WDPCP: variants seen among roughly 807,000 people sequenced by gnomAD.
WDPCP encodes WD repeat containing planar cell polarity effector.
In WDPCP, 71 loss-of-function variants were observed where a neutral mutation model predicts 93.1. That is an observed-to-expected ratio of 0.76 (90% CI 0.63 to 0.93). The LOEUF (loss-of-function observed/expected upper bound fraction) is 0.93. Ranked by LOEUF, WDPCP falls within the 40% of genes least tolerant of loss-of-function variation. The pLI, the probability that WDPCP is intolerant of heterozygous loss-of-function variation, is 0.00. For missense variants in WDPCP, 844 were observed against 887.4 expected (o/e 0.95, Z 0.62); for synonymous variants, 315 against 315.0 (o/e 1.00, Z 0.00).
At chr2:63,752,506 C>T in intron 2 of WDPCP, 2 of 755,256 alleles carry the variant, frequency 2.6e-6, no homozygotes, top group Admixed American at 3.6e-5. Context: ...CTCTCATGAC[C>T]ACACAGCTTG....
chr2:63,560,423 T>C (rs570699421), intron 1 of WDPCP, among the ~76,000 whole-genome samples: 86 of 151,974 alleles, frequency 5.7e-4, no homozygotes, highest in Non-Finnish European at 1.0e-3. Flanking sequence ...AGAATAGAGA[T>C]CTCAGAAATA....
chr2:63,158,334 T>A (rs1672404761), intron 15 of WDPCP, among the ~76,000 whole-genome samples: 1 of 152,228 alleles, frequency 6.6e-6, no homozygotes, highest in Non-Finnish European at 1.5e-5. Context: ...AGTCTTCAAA[T>A]GCAAATGTAG....
At chr2:63,533,091 C>T (rs1296219182) in intron 1 of WDPCP, among the ~76,000 whole-genome samples, 1 of 152,046 alleles carries the variant, frequency 6.6e-6, no homozygotes, top group African/African-American at 2.4e-5. Context: ...TTTAAGCCAA[C>T]AAAGATCAAA....
chr2:63,734,706 TG>T (rs548906758), intron 2 of WDPCP, among the ~76,000 whole-genome samples: 73 of 152,352 alleles, frequency 4.8e-4, no homozygotes, highest in African/African-American at 1.5e-3. Context: ...AAGCTGACCA[TG>T]GCAAAATGCA....
At chr2:63,537,179 C>A (rs1026007275) in intron 1 of WDPCP, among the ~76,000 whole-genome samples, 1 of 152,132 alleles carries the variant, frequency 6.6e-6, no homozygotes, top group South Asian at 2.1e-4. Flanking sequence ...AAATTTGTGC[C>A]GCCTTTACTA....
At chr2:63,689,509 T>C (rs1042678550) in intron 2 of WDPCP, among the ~76,000 whole-genome samples, 1 of 152,118 alleles carries the variant, frequency 6.6e-6, no homozygotes, top group Non-Finnish European at 1.5e-5. Flanking sequence ...CTTTCAACTA[T>C]CTTCTATCAG....
intron 1 of WDPCP, among the ~76,000 whole-genome samples, chr2:63,527,533 T>C (rs991912875): frequency 6.6e-6 from 1 of 151,994 alleles, no homozygotes; most frequent in African/African-American, 2.4e-5. Flanking sequence ...TCCATGTTCC[T>C]ACAAAGGACA....
chr2:63,433,680 A>T, intron 9 of WDPCP, 65 bp downstream of exon 9: 1 of 1,395,922 alleles, frequency 7.2e-7, no homozygotes, highest in South Asian at 1.4e-5. Context: ...ATTTCAGAAT[A>T]GAAAATCTAA....
At position 63,605,536 on chromosome 2, in the gene WDPCP, G is replaced by A; in HGVS notation, n.488+45123C>T. 1.5e-5 allele frequency: 10 copies of A among 654,714 alleles called. No homozygotes were observed. In the South Asian group the frequency reaches 2.0e-4, roughly 13 times the overall value. The allele number at this position is 654,714 out of a possible 1,614,324, so 40.6% of individuals were successfully genotyped here. A position where few individuals can be genotyped will look rare whatever the true frequency, so the allele number is the denominator to read the frequency against. On this transcript the variant is annotated intron_variant and non_coding_transcript_variant, in intron 3 of 4. Transcript: ENST00000467687. ...TGCCTATTAACAAGTAAACTTCGGG[G>A]TTTGTTAGCCTTGACCTTTCTGAGC...
intron 2 of WDPCP, among the ~76,000 whole-genome samples, chr2:63,722,538 CG>C (rs1213596664): frequency 8.6e-6 from 1 of 116,076 alleles, no homozygotes; most frequent in Non-Finnish European, 2.0e-5. Context: ...CCCGGCCAGC[CG>C]CCCCATCCGG....
chr2:63,532,970 A>C (rs932252481), intron 1 of WDPCP, among the ~76,000 whole-genome samples: 6 of 152,326 alleles, frequency 3.9e-5, no homozygotes, highest in East Asian at 1.9e-4. Context: ...GACCCATCTC[A>C]TGTGCAGAGA....
At chr2:63,604,782 C>G (rs555043402) in intron 3 of WDPCP, 1 of 1,614,108 alleles carries the variant, frequency 6.2e-7, no homozygotes, top group African/African-American at 1.3e-5. Context: ...ATCCAGATGT[C>G]AACCATGCCA....
chr2:63,329,230 C>T (rs12478442), intron 12 of WDPCP, among the ~76,000 whole-genome samples: 24,333 of 152,110 alleles, frequency 0.16, 2,602 homozygotes, highest in Non-Finnish European at 0.21. Flanking sequence ...AACTATTCTA[C>T]TCCATGTTTC....
rs116615050 is a variant in WDPCP, at chr2:63,743,206, C to T, written n.308+70416G>A. On this transcript the variant is annotated intron_variant and non_coding_transcript_variant, in intron 2 of 4. Coordinates refer to the WDPCP transcript ENST00000467687. ...GTTGTTATTCCAACAAAATTTCAAA[C>T]TATATTCTAAATGAGCTCTGTGATA... is the stretch of plus-strand genomic sequence containing the variant. Among the ~76,000 whole-genome samples the T allele has an allele frequency of 6.1e-3, 932 of 152,170 alleles. 16 individuals are homozygous for T. The highest frequency in any genetic ancestry group is 0.021 in the African/African-American group (870 of 41,542).
At chr2:63,206,844 A>C (rs1676378917) in intron 14 of WDPCP, among the ~76,000 whole-genome samples, 1 of 152,208 alleles carries the variant, frequency 6.6e-6, no homozygotes, top group South Asian at 2.1e-4. Context: ...GTGGTAAAAA[A>C]CCCATAAAAA....
intron 2 of WDPCP, among the ~76,000 whole-genome samples, chr2:63,720,283 G>A (rs962971945): frequency 1.8e-4 from 28 of 151,880 alleles, no homozygotes; most frequent in East Asian, 9.7e-4. Flanking sequence ...CAGGTATGGC[G>A]GTGTGCGCCT....
intron 1 of WDPCP, among the ~76,000 whole-genome samples, chr2:63,587,473 C>T (rs1708936780): frequency 6.6e-6 from 1 of 152,156 alleles, no homozygotes; most frequent in Middle Eastern, 3.2e-3. Context: ...AATAGCAAAT[C>T]CTCCAAACTG....
chr2:63,486,960 AC>A (rs1425060677), intron 3 of WDPCP, among the ~76,000 whole-genome samples: 1 of 152,056 alleles, frequency 6.6e-6, no homozygotes, highest in East Asian at 1.9e-4. Context: ...CAGGCTGCTC[AC>A]ACAAGCCCAC....
chr2:63,783,768 G>A (rs1301570155), intron 2 of WDPCP, among the ~76,000 whole-genome samples: 3 of 152,148 alleles, frequency 2.0e-5, no homozygotes, highest in African/African-American at 7.2e-5. Flanking sequence ...TGGCTTGGAA[G>A]GGTGGGCAGG....
Sources: gnomAD v4.1 joint callset for allele counts (sites outside exome capture counted in the v4.1 genomes callset) on GRCh38, gnomAD v4.1.1 for gene constraint, MANE v1.5 for transcripts, NCBI Gene and HGNC (gene_info 2026-07-23, HGNC 2026-07-21) for gene names.